The following MYO1F variants were observed in gnomAD, a reference collection of about 807,000 sequenced individuals.
MYO1F encodes unconventional myosin-If.
A neutral mutation model predicts 146.6 loss-of-function variants in MYO1F; 60 were observed. That is an observed-to-expected ratio of 0.41 (90% CI 0.33 to 0.51). The LOEUF is 0.51. MYO1F is among the 20% of genes least tolerant of loss of function. The pLI is 0.25. For missense variants in MYO1F, 1,274 were observed against 1,534.3 expected, an observed-to-expected ratio of 0.83 and a Z score of 2.83; for synonymous variants, 602 against 602.1, an observed-to-expected ratio of 1.00 and a Z score of 0.00.
chr19:8,532,251 C>T (rs55872879), intron 19 of MYO1F, among the ~76,000 whole-genome samples: 9 of 151,976 alleles, frequency 5.9e-5, no homozygotes, highest in African/African-American at 1.7e-4. Context: ...CACAGCCATC[C>T]GTAGCAGGCC....
chr19:8,565,595 C>A (rs1412941825), intron 1 of MYO1F, among the ~76,000 whole-genome samples: 1 of 151,590 alleles, frequency 6.6e-6, no homozygotes, highest in Admixed American at 6.6e-5. Flanking sequence ...GGCAAAGTGG[C>A]ATCATTCATG....
In MYO1F at chr19:8,569,937, GTC is replaced by G. The variant is rs769880177; in HGVS notation, c.3+7368_3+7369del. On this transcript the variant is annotated intron_variant, in intron 1 of 27. Coordinates refer to ENST00000644032, the MANE Select transcript of MYO1F (RefSeq NM_012335.4). ...GTGCCTGTTATTTTTTTTGGACAGA[GTC>G]TTGTTCTGTTGCCCAGGTTGGAAGG... Among the ~76,000 whole-genome samples the G allele has an allele frequency of 2.0e-5, 3 of 152,256 alleles. No individual in the cohort carries two copies. In the East Asian group the frequency reaches 5.8e-4, roughly 29 times the overall value.
rs1568381586 is a variant in MYO1F, at chr19:8,574,625, CTTT to C, written c.3+2679_3+2681del. Among the ~76,000 whole-genome samples the C allele has an allele frequency of 2.5e-3, 130 of 52,146 alleles. 3 individuals carry two copies. Among genetic ancestry groups the C allele is most frequent in the East Asian group, 6.6e-3 (8 of 1,206 alleles). The allele number at this position is 52,146 out of a possible 152,430, so 34.2% of individuals were successfully genotyped here. Reference sequence around the variant, plus strand: ...TCTTTCTTTCTTTCTTTCTTTCTTTCTTTCTTTCTTTCTTTCTTTCCTTTCTTT... The same window carrying C: ...TCTTTCTTTCTTTCTTTCTTTCTTTCCTTTCTTTCTTTCTTTCCTTTCTTT... On this transcript the variant is annotated intron_variant, in intron 1 of 27. Transcript: ENST00000644032.
intron 1 of MYO1F, among the ~76,000 whole-genome samples, chr19:8,566,517 A>T (rs983292230): frequency 1.2e-4 from 18 of 144,394 alleles, no homozygotes; most frequent in South Asian, 2.2e-4. Flanking sequence ...TAATTTAATT[A>T]ATTTATTTAT....
At chr19:8,542,189 C>A (rs377109113) in intron 14 of MYO1F, among the ~76,000 whole-genome samples, 198 bp from the exon 15 acceptor site, 4 of 150,808 alleles carry the variant, frequency 2.7e-5, no homozygotes, top group African/African-American at 9.8e-5. Flanking sequence ...TCCTGGAGAG[C>A]TGATGTTCAA....
At chr19:8,538,001 C>T (rs896424583) in intron 16 of MYO1F, among the ~76,000 whole-genome samples, 2 of 151,896 alleles carry the variant, frequency 1.3e-5, no homozygotes, top group African/African-American at 4.8e-5. Context: ...GAGACAAAAT[C>T]TCGCTCTGTT....
At chr19:8,528,192 A>C (rs527940632) in intron 21 of MYO1F, among the ~76,000 whole-genome samples, 1 of 152,136 alleles carries the variant, frequency 6.6e-6, no homozygotes, top group Non-Finnish European at 1.5e-5. Flanking sequence ...ACTGCACTCC[A>C]GCCTGGGTGA....
intron 8 of MYO1F, 45 bp from the exon 9 acceptor site, chr19:8,550,739 C>T: frequency 6.2e-7 from 1 of 1,612,396 alleles, no homozygotes; most frequent in Non-Finnish European, 8.5e-7. Flanking sequence ...ATCCTGGCCT[C>T]CAACCTGCCT....
intron 12 of MYO1F, among the ~76,000 whole-genome samples, 185 bp from the exon 13 acceptor site, chr19:8,545,921 A>G (rs1036501511): frequency 6.6e-6 from 1 of 152,082 alleles, no homozygotes; most frequent in Non-Finnish European, 1.5e-5. Flanking sequence ...GTCCTTGACC[A>G]ATAATCAACA....
At chr19:8,541,420 TGTGTG>T (rs1216119633) in intron 15 of MYO1F, among the ~76,000 whole-genome samples, 181 of 132,174 alleles carry the variant, frequency 1.4e-3, no homozygotes, top group Middle Eastern at 3.6e-3. Context: ...TGTGTGTGTG[TGTGTG>T]TTTTTTTTTT....
intron 9 of MYO1F, 38 bp downstream of exon 9, chr19:8,550,524 C>A: frequency 2.5e-6 from 4 of 1,614,050 alleles, no homozygotes; most frequent in Non-Finnish European, 3.4e-6. Flanking sequence ...CACCCACCCA[C>A]AGGCCTCCAT....
At position 8,523,323 on chromosome 19, in the gene MYO1F, G is replaced by A. The variant is rs150291727; in HGVS notation, c.2855-494C>T. On this transcript the variant is annotated intron_variant, in intron 25 of 27. Transcript: ENST00000644032. ...GCTGGGATTACAGGCATGAGCCACC[G>A]CGCCTGGCCAATTATTTTTTACTTT... Among the ~76,000 whole-genome samples the A allele has an allele frequency of 2.2e-3, 335 of 152,070 alleles. 4 individuals carry two copies. Among genetic ancestry groups the A allele is most frequent in the Admixed American group, 0.02 (299 of 15,262 alleles).
chr19:8,523,445 C>T (rs971563207), intron 25 of MYO1F, among the ~76,000 whole-genome samples: 1 of 152,064 alleles, frequency 6.6e-6, no homozygotes, highest in African/African-American at 2.4e-5. Context: ...TGGGCTCAAG[C>T]AATCCTCCCT....
In MYO1F at chr19:8,540,022, G is replaced by A; in HGVS notation, c.1617C>T (p.Phe539=). The part of the protein sequence containing the change: ...IELMQTSEQA[F]LRMLFPEKLD... ...GCTTCTCGGGGAAGAGCATCCGGAG[G>A]AAGGCCCTGGGTAGGAAAGGGGAGA... Residue 539 remains phenylalanine (F), a synonymous_variant, in exon 16 of 28, where the codon TTC becomes TTT. Coordinates refer to ENST00000644032, the MANE Select transcript of MYO1F (RefSeq NM_012335.4). 6.2e-7 allele frequency: 1 copy of A among 1,611,716 alleles called. No homozygotes were observed.
chr19:8,537,197 G>C, intron 16 of MYO1F, 142 bp from the exon 17 acceptor site: 1 of 660,892 alleles, frequency 1.5e-6, no homozygotes, highest in Non-Finnish European at 2.8e-6. Flanking sequence ...ACAGGGGCCA[G>C]ATGTCCCTGG....
intron 1 of MYO1F, among the ~76,000 whole-genome samples, chr19:8,560,501 A>AG (rs1291722109): frequency 1.3e-5 from 2 of 151,014 alleles, no homozygotes; most frequent in Non-Finnish European, 3.0e-5. Context: ...AAGGAAAAAA[A>AG]AAAAAGAACA....
At chr19:8,569,238 G>T (rs1357122090) in intron 1 of MYO1F, among the ~76,000 whole-genome samples, 1 of 152,054 alleles carries the variant, frequency 6.6e-6, no homozygotes, top group African/African-American at 2.4e-5. Context: ...CTCTTCCTTG[G>T]GGGTGGGGAT....
At chr19:8,523,947 T>C (rs62119398) in intron 25 of MYO1F, among the ~76,000 whole-genome samples, 144,632 of 150,896 alleles carry the variant, frequency 0.96, 69,510 homozygotes, top group Non-Finnish European at 0.99. Flanking sequence ...AGTGAAACTC[T>C]GCCTCTACTA....
intron 2 of MYO1F, among the ~76,000 whole-genome samples, chr19:8,555,119 A>T (rs1016699208): frequency 2.0e-5 from 3 of 151,978 alleles, no homozygotes; most frequent in Admixed American, 6.6e-5. Flanking sequence ...TGGGAGGCAG[A>T]GGTTGCAGCG....
Sources: allele counts gnomAD v4.1 joint callset (sites outside exome capture counted in the v4.1 genomes callset), GRCh38; gene constraint gnomAD v4.1.1; transcripts MANE v1.5; gene names NCBI Gene and HGNC (gene_info 2026-07-23, HGNC 2026-07-21).